Variants in THSD7A observed in about 807,000 individuals in gnomAD.
THSD7A encodes the protein thrombospondin type-1 domain-containing protein 7A.
Under a neutral mutation model 231.3 loss-of-function variants are expected in THSD7A, and 96 were observed. The observed-to-expected ratio is 0.41, with a 90% CI of 0.35 to 0.49. THSD7A has a LOEUF of 0.49. Among genes scored for constraint, THSD7A ranks in the 20% least tolerant of loss-of-function variants. THSD7A has a pLI of 0.05. For missense variants in THSD7A, 2,290 were observed against 2,070.2 expected (o/e 1.11, Z -2.06); for synonymous variants, 940 against 743.3 (o/e 1.26, Z -4.30).
chr7:11,725,231 C>T (rs1781508268), intron 1 of THSD7A, among the ~76,000 whole-genome samples: 1 of 151,788 alleles, frequency 6.6e-6, no homozygotes, highest in Non-Finnish European at 1.5e-5. Flanking sequence ...CTCAGGGATG[C>T]CTGATACCAT....
intron 6 of THSD7A, among the ~76,000 whole-genome samples, chr7:11,507,900 T>C (rs1488570763): frequency 1.3e-5 from 2 of 152,188 alleles, no homozygotes; most frequent in Non-Finnish European, 2.9e-5. Flanking sequence ...AGGTACTACC[T>C]GAGACTGGCT....
chr7:11,527,124 G>A (rs1173628281), intron 6 of THSD7A, among the ~76,000 whole-genome samples: 1 of 152,052 alleles, frequency 6.6e-6, no homozygotes, highest in Non-Finnish European at 1.5e-5. Context: ...CCATTTCCTG[G>A]GTTGTGTATC....
At chr7:11,740,540 T>G (rs980792763) in intron 1 of THSD7A, among the ~76,000 whole-genome samples, 2 of 151,960 alleles carry the variant, frequency 1.3e-5, no homozygotes, top group African/African-American at 4.8e-5. Flanking sequence ...ATGCTGAGCT[T>G]CTTTTCCCCC....
Position 11,590,434 on chromosome 7 carries a change from A to T in THSD7A, c.1453+26T>A, listed in dbSNP as rs1462903253. ...ATGCTCAGTCAGTCTTCATAAGTGA[A>T]TCCTTGAGAAGAAAGCAAAGGTTAC... is the stretch of plus-strand genomic sequence containing the variant. On this transcript the variant is annotated intron_variant, in intron 4 of 27. Coordinates refer to ENST00000423059, the MANE Select transcript of THSD7A (RefSeq NM_015204.3). This position sits in a 1 kb window ranked among gnomAD's most constrained non-coding sequence, Gnocchi z 4.4. The T allele has an allele frequency of 1.3e-6, 2 of 1,591,922 alleles. No homozygotes were observed. The highest frequency in any genetic ancestry group is 8.6e-7 in the Non-Finnish European group (1 of 1,168,504).
chr7:11,754,856 A>G (rs1782621995), intron 1 of THSD7A, among the ~76,000 whole-genome samples: 1 of 152,094 alleles, frequency 6.6e-6, no homozygotes, highest in African/African-American at 2.4e-5. Context: ...ATAATAATAG[A>G]ACTATATATT....
At chr7:11,409,639 A>T (rs1301192172) in intron 19 of THSD7A, among the ~76,000 whole-genome samples, 1 of 152,186 alleles carries the variant, frequency 6.6e-6, no homozygotes, top group African/African-American at 2.4e-5. Flanking sequence ...CATTCCGACC[A>T]AGGAGTACAT....
At chr7:11,470,035 G>A (rs1016757192) in intron 8 of THSD7A, 41 bp from the exon 9 acceptor site, 2 of 1,320,906 alleles carry the variant, frequency 1.5e-6, no homozygotes, top group Middle Eastern at 1.8e-4. Flanking sequence ...CAATAGTAAA[G>A]CAGAAAATCA....
At chr7:11,602,892 A>C (rs146540487) in intron 2 of THSD7A, among the ~76,000 whole-genome samples, 3,897 of 151,270 alleles carry the variant, frequency 0.026, 155 homozygotes, top group African/African-American at 0.084. Context: ...TGGATTAAAG[A>C]CTTAAACGTT....
intron 2 of THSD7A, among the ~76,000 whole-genome samples, chr7:11,630,557 A>C (rs1473672088): frequency 6.6e-6 from 1 of 152,194 alleles, no homozygotes; most frequent in Non-Finnish European, 1.5e-5. Context: ...GTTATCTAGA[A>C]GCTGGATAGT....
At chr7:11,695,361 A>G (rs1163362838) in intron 1 of THSD7A, among the ~76,000 whole-genome samples, 2 of 151,508 alleles carry the variant, frequency 1.3e-5, no homozygotes, top group Admixed American at 1.3e-4. Context: ...AGCACCAAAC[A>G]TGCATCACTC....
At chr7:11,458,301 GAAGA>G (rs1355831877) in intron 11 of THSD7A, among the ~76,000 whole-genome samples, 2 of 151,980 alleles carry the variant, frequency 1.3e-5, no homozygotes, top group African/African-American at 4.8e-5. Flanking sequence ...ACCATCAAAG[GAAGA>G]AAATTTTGTC....
intron 1 of THSD7A, among the ~76,000 whole-genome samples, chr7:11,699,495 G>T (rs10245277): frequency 0.025 from 3,824 of 151,218 alleles, 160 homozygotes; most frequent in African/African-American, 0.088. Context: ...GGGGTTTTCT[G>T]ATTTTATGAC....
At chr7:11,609,599 C>T (rs1780854435) in intron 2 of THSD7A, among the ~76,000 whole-genome samples, 1 of 151,924 alleles carries the variant, frequency 6.6e-6, no homozygotes, top group Non-Finnish European at 1.5e-5. Context: ...AGAAGAGCTG[C>T]CTAAAAAGAA....
At chr7:11,499,003 A>G (rs927450565) in intron 6 of THSD7A, among the ~76,000 whole-genome samples, 3 of 152,118 alleles carry the variant, frequency 2.0e-5, no homozygotes, top group African/African-American at 7.2e-5. Context: ...GCCAGTACCA[A>G]CTCAGCAACT....
intron 6 of THSD7A, among the ~76,000 whole-genome samples, chr7:11,503,459 G>T (rs947712727): frequency 1.7e-4 from 26 of 152,076 alleles, no homozygotes; most frequent in African/African-American, 6.3e-4. Context: ...TTGACAAATG[G>T]GATCTAATTA....
intron 1 of THSD7A, among the ~76,000 whole-genome samples, chr7:11,744,058 T>C (rs1782195982): frequency 6.6e-6 from 1 of 151,906 alleles, no homozygotes; most frequent in African/African-American, 2.4e-5. Context: ...TCTTATGTTA[T>C]TTCCTTCTAG....
chr7:11,544,814 A>T (rs867663174), intron 4 of THSD7A, among the ~76,000 whole-genome samples: 1 of 51,102 alleles, frequency 2.0e-5, no homozygotes, highest in African/African-American at 7.7e-5. Context: ...CCGCCTCCCC[A>T]CCCCCACCAC....
chr7:11,482,047 C>T, intron 6 of THSD7A, 65 bp from the exon 7 acceptor site: 18 of 1,459,834 alleles, frequency 1.2e-5, no homozygotes, highest in Non-Finnish European at 1.7e-5. Flanking sequence ...CAATTTAAAC[C>T]AGATGGGCAC....
chr7:11,569,450 G>C (rs1224880215), intron 4 of THSD7A, among the ~76,000 whole-genome samples: 1 of 151,986 alleles, frequency 6.6e-6, no homozygotes, highest in East Asian at 1.9e-4. Flanking sequence ...TACTCATCAG[G>C]GTAACGCAAA....
Sources: allele counts gnomAD v4.1 joint callset (sites outside exome capture counted in the v4.1 genomes callset), GRCh38; gene constraint gnomAD v4.1.1; non-coding constraint Gnocchi (gnomAD v3.1); transcripts MANE v1.5; gene names NCBI Gene and HGNC (gene_info 2026-07-23, HGNC 2026-07-21).